RGMA: variants seen among roughly 807,000 people sequenced by gnomAD.
RGMA encodes the protein repulsive guidance molecule BMP co-receptor a.
Under a neutral mutation model 23.2 loss-of-function variants are expected in RGMA, and 10 were observed. The observed-to-expected ratio is 0.43, with a 90% confidence interval of 0.27 to 0.73. The LOEUF (loss-of-function observed/expected upper bound fraction) is 0.73, where lower values mean the gene tolerates loss of function less well. Ranked by LOEUF, RGMA falls within the 30% of genes least tolerant of loss-of-function variation. The pLI, the probability that RGMA is intolerant of heterozygous loss-of-function variation, is 0.20. For missense variants in RGMA, 547 were observed against 630.5 expected (o/e 0.87, Z 1.42); for synonymous variants, 308 against 279.3 (o/e 1.10, Z -1.03).
rs1481019434 is a variant in RGMA at position 93,038,536 on chromosome 15, T to C, written c.*6462A>G. 15 of 149,816 alleles carry C rather than the reference T, an allele frequency of 1.0e-4. No homozygotes were observed. The Admixed American group carries it at 1.0e-3, about 10-fold the overall frequency. The allele number at this position is 149,816 out of a possible 1,614,324, so 9.3% of individuals were successfully genotyped here. A position where few individuals can be genotyped will look rare whatever the true frequency, so the allele number is the denominator to read the frequency against. ...GGCGTGGCATGCAGGAGCTGCCCCA[T>C]GGACATTGCCTTAATGAACGAAACT... On this transcript the variant is annotated 3_prime_UTR_variant, in exon 4 of 4. Coordinates refer to ENST00000329082, the MANE Select transcript of RGMA (RefSeq NM_020211.3).
intron 2 of RGMA, 80 bp from the exon 3 acceptor site, chr15:93,052,587 G>A: frequency 1.2e-5 from 17 of 1,413,120 alleles, no homozygotes; most frequent in Non-Finnish European, 1.6e-5. Context: ...GGCCAGGGGA[G>A]CAGCCACACA....
intron 2 of RGMA, among the ~76,000 whole-genome samples, chr15:93,067,734 A>G (rs1895202088): frequency 6.6e-6 from 1 of 152,062 alleles, no homozygotes; most frequent in South Asian, 2.1e-4. Flanking sequence ...AAGCCTTGGA[A>G]ATGAGCTTGG....
chr15:93,059,333 G>A (rs1343366161), intron 2 of RGMA, among the ~76,000 whole-genome samples: 1 of 152,182 alleles, frequency 6.6e-6, no homozygotes, highest in African/African-American at 2.4e-5. Context: ...TCTGTGCGGA[G>A]CCCACCAGGA....
rs1426311146 is a variant in RGMA at position 93,042,685 on chromosome 15, TCA to T, written c.*2311_*2312del. ...GGAGCCCTAGGCAAGTCAGTTAATC[TCA>T]GAGTCTGTTTCATCGGCAAAATGGG... On this transcript the variant is annotated 3_prime_UTR_variant, in exon 4 of 4. Transcript: ENST00000329082. 6.6e-6 allele frequency: 1 copy of T among 152,294 alleles called. No homozygotes were observed. Among genetic ancestry groups the T allele is most frequent in the Non-Finnish European group, 1.5e-5 (1 of 68,086 alleles). 9.4% of individuals were successfully genotyped at this position (152,294 alleles called of 1,614,324 possible). A position where few individuals can be genotyped will look rare whatever the true frequency, so the allele number is the denominator to read the frequency against.
At position 93,052,149 on chromosome 15, in the gene RGMA, A is replaced by T; in HGVS notation, c.489T>A (p.Cys163Ter). 1 of 1,613,922 alleles carries T rather than the reference A, an allele frequency of 6.2e-7. No individual in the cohort carries two copies. Among genetic ancestry groups the T allele is most frequent in the Non-Finnish European group, 8.5e-7 (1 of 1,179,866 alleles). ...KHSATPNYTHCGLFGDPHLRT... is the reference protein window; with the variant it reads ...KHSATPNYTH ...TGAGGTGTGGGTCCCCGAAGAGGCCACAGTGCGTGTAGTTGGGGGTGGCCG... is the reference window on the plus strand; with the variant it reads ...TGAGGTGTGGGTCCCCGAAGAGGCCTCAGTGCGTGTAGTTGGGGGTGGCCG... Residue 163 changes from cysteine (C) to a stop codon, truncating the protein, a stop_gained, in exon 3 of 4, where the codon TGT becomes TGA. Transcript: ENST00000329082. LOFTEE classifies it high-confidence loss of function.
At chr15:93,047,482 C>T (rs925314209) in intron 3 of RGMA, among the ~76,000 whole-genome samples, 1 of 152,114 alleles carries the variant, frequency 6.6e-6, no homozygotes, top group Admixed American at 6.5e-5. Flanking sequence ...TGCTAAAATC[C>T]CACCTTTATC....
chr15:93,072,133 G>C (rs1895346956), intron 2 of RGMA, among the ~76,000 whole-genome samples: 1 of 151,976 alleles, frequency 6.6e-6, no homozygotes, highest in Non-Finnish European at 1.5e-5. Context: ...AAAAAGTAAA[G>C]AAACTGGAGC....
intron 2 of RGMA, among the ~76,000 whole-genome samples, chr15:93,064,484 G>A (rs1895075518): frequency 6.6e-6 from 1 of 152,194 alleles, no homozygotes; most frequent in South Asian, 2.1e-4. Context: ...CCTCAATGCT[G>A]CCGGCAGGCA....
Position 93,043,714 on chromosome 15 carries a change from T to C in RGMA, c.*1284A>G, listed in dbSNP as rs1470711660. ...CTTGGAGGGAGGGGGAGACACACGT[T>C]CTGCAGCCTCCTGGCCAGTGTATGA... On this transcript the variant is annotated 3_prime_UTR_variant, in exon 4 of 4. Coordinates refer to ENST00000329082, the MANE Select transcript of RGMA (RefSeq NM_020211.3). The C allele has an allele frequency of 6.8e-6, 1 of 146,726 alleles. No individual in the cohort carries two copies. The highest frequency in any genetic ancestry group is 6.8e-5 in the Admixed American group (1 of 14,768). 9.1% of individuals were successfully genotyped at this position (146,726 alleles called of 1,614,324 possible).
intron 1 of RGMA, among the ~76,000 whole-genome samples, chr15:93,083,263 T>C (rs80242818): frequency 0.1 from 15,884 of 152,320 alleles, 888 homozygotes; most frequent in Non-Finnish European, 0.12. Flanking sequence ...TTTTTTGTCA[T>C]ATGATCTTGG....
intron 1 of RGMA, among the ~76,000 whole-genome samples, chr15:93,081,741 A>C (rs141008480): frequency 6.6e-6 from 1 of 152,286 alleles, no homozygotes; most frequent in Non-Finnish European, 1.5e-5. Flanking sequence ...TTTAGCAATA[A>C]GAACAGATAA....
intron 2 of RGMA, among the ~76,000 whole-genome samples, chr15:93,072,695 A>T (rs12907990): frequency 0.63 from 95,946 of 152,058 alleles, 30,729 homozygotes; most frequent in East Asian, 0.96. Flanking sequence ...ACACGGCTCC[A>T]TCTCACGGCA....
rs2054678831 is a variant in RGMA at position 93,037,985 on chromosome 15, G to A, written c.*7013C>T. 1 of 152,316 alleles carries A rather than the reference G, an allele frequency of 6.6e-6. No individual in the cohort carries two copies. The highest frequency in any genetic ancestry group is 1.5e-5 in the Non-Finnish European group (1 of 68,088). The allele number at this position is 152,316 out of a possible 1,614,324, so 9.4% of individuals were successfully genotyped here. The stretch of plus-strand genomic sequence containing the variant: ...CTGCCTGCAGCTGTCTATTAATTCA[G>A]ACCATCCTGCTAGGACTTTCTGAGA... On this transcript the variant is annotated 3_prime_UTR_variant, in exon 4 of 4. Transcript: ENST00000329082. This position sits in a 1 kb window ranked among gnomAD's most constrained non-coding sequence, Gnocchi z 4.3.
rs2054781339 is a variant in RGMA, at chr15:93,044,567, AGAGT to A, written c.*427_*430del. On this transcript the variant is annotated 3_prime_UTR_variant, in exon 4 of 4. Coordinates refer to ENST00000329082, the MANE Select transcript of RGMA (RefSeq NM_020211.3). ...GGGGGATCGAGTGTGCTCTCGTGTAAGAGTGTGTGCGTGCGTGTGGCGGGCACAG... is the reference window on the plus strand; with the variant it reads ...GGGGGATCGAGTGTGCTCTCGTGTAAGTGTGCGTGCGTGTGGCGGGCACAG... 2 of 212,696 alleles carry A rather than the reference AGAGT, an allele frequency of 9.4e-6. No homozygotes were observed. Among genetic ancestry groups the A allele is most frequent in the Admixed American group, 1.1e-4 (2 of 18,902 alleles). 13.2% of individuals were successfully genotyped at this position (212,696 alleles called of 1,614,324 possible).
At chr15:93,073,929 G>C in intron 1 of RGMA, 1 of 1,436,030 alleles carries the variant, frequency 7.0e-7, no homozygotes, top group Non-Finnish European at 9.1e-7. Context: ...CGCAGGGCCG[G>C]ATGGTTTGGC....
intron 2 of RGMA, among the ~76,000 whole-genome samples, chr15:93,070,307 G>C (rs1429261683): frequency 6.6e-6 from 1 of 152,196 alleles, no homozygotes; most frequent in Admixed American, 6.5e-5. Flanking sequence ...GCTTACTCCT[G>C]GCAGCCATTC....
chr15:93,066,407 C>A, intron 2 of RGMA: 2 of 610,384 alleles, frequency 3.3e-6, no homozygotes, highest in Non-Finnish European at 6.2e-6. Flanking sequence ...AAACGGGGGG[C>A]GGGGGTTTCC....
In RGMA at chr15:93,041,839, G is replaced by C. The variant is rs981896413; in HGVS notation, c.*3159C>G. On this transcript the variant is annotated 3_prime_UTR_variant, in exon 4 of 4. Coordinates refer to ENST00000329082, the MANE Select transcript of RGMA (RefSeq NM_020211.3). ...AACCCAACTCCCGTGTTCTCTCTGG[G>C]AGCCCTGCAAGAACAGGGCTTTAGA... 1 of 152,258 alleles carries C rather than the reference G, an allele frequency of 6.6e-6. No homozygotes were observed. The highest frequency in any genetic ancestry group is 1.5e-5 in the Non-Finnish European group (1 of 68,076). 9.4% of individuals were successfully genotyped at this position (152,258 alleles called of 1,614,324 possible).
At chr15:93,079,989 T>C (rs1317796144) in intron 1 of RGMA, among the ~76,000 whole-genome samples, 1 of 152,156 alleles carries the variant, frequency 6.6e-6, no homozygotes, top group East Asian at 1.9e-4. Flanking sequence ...GTGTAAAGAA[T>C]ATCACCTGAG....
Sources: allele counts gnomAD v4.1 joint callset (sites outside exome capture counted in the v4.1 genomes callset), GRCh38; gene constraint gnomAD v4.1.1; non-coding constraint Gnocchi (gnomAD v3.1); transcripts MANE v1.5; gene names NCBI Gene and HGNC (gene_info 2026-07-23, HGNC 2026-07-21).